The following C4orf50 variants were observed in gnomAD, a reference collection of about 807,000 sequenced individuals.
The protein encoded by C4orf50 is uncharacterized protein C4orf50.
In C4orf50, 80 loss-of-function variants were observed where a neutral mutation model predicts 77.2. That is an observed-to-expected ratio of 1.04 (90% CI 0.87 to 1.25). The LOEUF (loss-of-function observed/expected upper bound fraction) is 1.25, where lower values mean the gene tolerates loss of function less well. Ranked by LOEUF, C4orf50 falls within the 50% of genes most tolerant of loss-of-function variation. The probability of loss-of-function intolerance (pLI) is 0.00; values close to 1 mark genes in which losing one functional copy is unlikely to be tolerated. For missense variants in C4orf50, 1,257 were observed against 1,152.9 expected (o/e 1.09, Z -1.31); for synonymous variants, 532 against 465.3 (o/e 1.14, Z -1.84).
chr4:5,900,735 C>T lies in C4orf50; in HGVS notation c.*2475-2547G>A, dbSNP rs1195304573. 1 of 152,230 alleles carries T rather than the reference C, an allele frequency of 6.6e-6. No homozygotes were observed. Among genetic ancestry groups the T allele is most frequent in the Non-Finnish European group, 1.5e-5 (1 of 68,046 alleles). The allele number at this position is 152,230 out of a possible 1,614,324, so 9.4% of individuals were successfully genotyped here. A position where few individuals can be genotyped will look rare whatever the true frequency, so the allele number is the denominator to read the frequency against. ...CACTGGACCGCAGATGTCAGTTAAC[C>T]TCATCTGGGAATCAGTTTCCTCGCC... On this transcript the variant is annotated intron_variant, in intron 7 of 7. Transcript: ENST00000324058. This position sits in a 1 kb window ranked among gnomAD's most constrained non-coding sequence, Gnocchi z 4.3.
At chr4:5,920,827 G>T (rs529940063) in intron 7 of C4orf50, among the ~76,000 whole-genome samples, 1 of 152,188 alleles carries the variant, frequency 6.6e-6, no homozygotes, top group Admixed American at 6.5e-5. Context: ...TAGAGCAAAC[G>T]CAAACAACTC....
intron 25 of C4orf50, among the ~76,000 whole-genome samples, chr4:6,004,036 A>ATGATGGTGATGATGG (rs1722027813): frequency 1.8e-4 from 9 of 48,858 alleles, no homozygotes; most frequent in Admixed American, 4.0e-4. Flanking sequence ...TGTGATAGTG[A>ATGATGGTGATGATGG]TGATGGTGAT....
At chr4:5,942,872 G>A (rs577402734) in intron 7 of C4orf50, among the ~76,000 whole-genome samples, 10 of 152,250 alleles carry the variant, frequency 6.6e-5, no homozygotes, top group East Asian at 1.9e-4. Flanking sequence ...GCCTGGATGC[G>A]TAAGGATAAA....
At chr4:5,922,736 A>T (rs1414095450) in intron 7 of C4orf50, among the ~76,000 whole-genome samples, 1 of 152,166 alleles carries the variant, frequency 6.6e-6, no homozygotes, top group Admixed American at 6.5e-5. Context: ...CCCTCGTGGC[A>T]TGCTCATCAA....
At position 5,992,734 on chromosome 4, in the gene C4orf50, G is replaced by T. The variant is rs1721360640; in HGVS notation, c.1221+69C>A. On this transcript the variant is annotated intron_variant, in intron 27 of 33. Coordinates refer to ENST00000531445, the Ensembl canonical transcript of C4orf50. This position sits in a 1 kb window ranked among gnomAD's most constrained non-coding sequence, Gnocchi z 5.0. ...CCCACATCCTGCGTGTGGCCACATA[G>T]CCTGCATGAGGCAGGGCTGAGGGGA... The T allele has an allele frequency of 2.5e-6, 1 of 398,822 alleles. No homozygotes were observed. Among genetic ancestry groups the T allele is most frequent in the South Asian group, 1.3e-4 (1 of 7,780 alleles). 24.7% of individuals were successfully genotyped at this position (398,822 alleles called of 1,614,324 possible). A position where few individuals can be genotyped will look rare whatever the true frequency, so the allele number is the denominator to read the frequency against.
chr4:5,959,927 G>A (rs1410984671), intron 33 of C4orf50, among the ~76,000 whole-genome samples: 2 of 152,156 alleles, frequency 1.3e-5, no homozygotes, highest in Non-Finnish European at 2.9e-5. Flanking sequence ...CGTTCCTGTA[G>A]AGTGGATATC....
At chr4:6,006,020 CT>C (rs1369297903) in intron 25 of C4orf50, among the ~76,000 whole-genome samples, 2 of 152,176 alleles carry the variant, frequency 1.3e-5, no homozygotes, top group Non-Finnish European at 2.9e-5. Context: ...TCTGTGCACA[CT>C]TGTTTTCCAA....
chr4:5,925,340 TC>T (rs1717470476), intron 7 of C4orf50, among the ~76,000 whole-genome samples: 1 of 152,118 alleles, frequency 6.6e-6, no homozygotes, highest in Non-Finnish European at 1.5e-5. Context: ...TCCCCAACTC[TC>T]TTCGCAAAGG....
At chr4:5,997,460 CAGAG>C (rs1721645994) in intron 25 of C4orf50, among the ~76,000 whole-genome samples, 1 of 152,274 alleles carries the variant, frequency 6.6e-6, no homozygotes, top group African/African-American at 2.4e-5. Flanking sequence ...AGGCAGTACT[CAGAG>C]AGGGTGAGTC....
In C4orf50 at chr4:5,958,529, C is replaced by G. The variant is rs796404638; in HGVS notation, c.*846G>C. The G allele has an allele frequency of 3.3e-5, 5 of 152,202 alleles. No homozygotes were observed. Among genetic ancestry groups the G allele is most frequent in the African/African-American group, 4.8e-5 (2 of 41,512 alleles). The allele number at this position is 152,202 out of a possible 1,614,324, so 9.4% of individuals were successfully genotyped here. A position where few individuals can be genotyped will look rare whatever the true frequency, so the allele number is the denominator to read the frequency against. ...TTGTCCCAAGCCAAGTAGAACGGAC[C>G]CTTACCTTCATCCCGTTGCTCAGGG... On this transcript the variant is annotated 3_prime_UTR_variant, in exon 34 of 34. Coordinates refer to ENST00000531445, the Ensembl canonical transcript of C4orf50. The surrounding 1 kb of genome is among the most constrained non-coding windows in gnomAD (Gnocchi z 5.4).
At chr4:6,003,726 GGTGATGGTGA>G (rs1721962637) in intron 25 of C4orf50, among the ~76,000 whole-genome samples, 1 of 145,378 alleles carries the variant, frequency 6.9e-6, no homozygotes, top group African/African-American at 2.6e-5. Context: ...TGGTGATGAT[GGTGATGGTGA>G]TGATAGTGGT....
Position 5,900,484 on chromosome 4 carries a change from C to T in C4orf50, c.*2475-2296G>A, listed in dbSNP as rs139170338. The T allele has an allele frequency of 3.3e-5, 5 of 152,118 alleles. No homozygotes were observed. The East Asian group carries it at 9.7e-4, about 30-fold the overall frequency. 9.4% of individuals were successfully genotyped at this position (152,118 alleles called of 1,614,324 possible). The stretch of plus-strand genomic sequence containing the variant: ...GATATCCTGGGATTCAGGGCTTCCC[C>T]AGGGCGAAATGCAGGCATGAATTCC... On this transcript the variant is annotated intron_variant, in intron 7 of 7. Transcript: ENST00000324058. This position sits in a 1 kb window ranked among gnomAD's most constrained non-coding sequence, Gnocchi z 4.3.
intron 26 of C4orf50, among the ~76,000 whole-genome samples, chr4:5,993,423 T>C (rs1294356020): frequency 6.6e-6 from 1 of 152,224 alleles, no homozygotes; most frequent in African/African-American, 2.4e-5. Flanking sequence ...CCCTTGAGGT[T>C]GGAGGGCTGG....
intron 7 of C4orf50, among the ~76,000 whole-genome samples, chr4:5,935,536 C>A (rs983829728): frequency 3.3e-5 from 5 of 152,064 alleles, no homozygotes; most frequent in Non-Finnish European, 5.9e-5. Flanking sequence ...GACTGTGATC[C>A]CAGCACTTTG....
In C4orf50 at chr4:5,980,226, TG is replaced by T; in HGVS notation, c.3811del (p.His1271ThrfsTer33). On this transcript the variant is annotated frameshift_variant, in exon 29 of 34. Transcript: ENST00000531445. LOFTEE classifies it high-confidence loss of function. ...GGTGGCCTCGTCCAGAGACGCCTGGTGGGCAGCGCCCTGGTCCCTGAGCTGG... is the reference window on the plus strand; with the variant it reads ...GGTGGCCTCGTCCAGAGACGCCTGGTGGCAGCGCCCTGGTCCCTGAGCTGG... The T allele has an allele frequency of 1.2e-6, 2 of 1,610,668 alleles. No individual in the cohort carries two copies. The highest frequency in any genetic ancestry group is 1.7e-6 in the Non-Finnish European group (2 of 1,178,332).
Position 6,008,199 on chromosome 4 carries a change from G to C in C4orf50, c.760C>G (p.Arg254Gly), listed in dbSNP as rs1722329031. ...TGCAGGCTGCGCGCCGCCTCTTCCCGCTCGCGCTCGCTGCGCTCTGCCCTC... is the reference window on the plus strand; with the variant it reads ...TGCAGGCTGCGCGCCGCCTCTTCCCCCTCGCGCTCGCTGCGCTCTGCCCTC... The change falls in exon 25 of 34, where the codon CGG becomes GGG. Residue 254 changes from arginine (R) to glycine (G), a missense_variant. Coordinates refer to ENST00000531445, the Ensembl canonical transcript of C4orf50. This position sits in a 1 kb window ranked among gnomAD's most constrained non-coding sequence, Gnocchi z 6.0. 3 of 397,832 alleles carry C rather than the reference G, an allele frequency of 7.5e-6. No individual in the cohort carries two copies. In the East Asian group the frequency reaches 1.1e-4, roughly 14 times the overall value. 24.6% of individuals were successfully genotyped at this position (397,832 alleles called of 1,614,324 possible).
chr4:5,929,790 A>G (rs1717684245), intron 7 of C4orf50, among the ~76,000 whole-genome samples: 1 of 152,370 alleles, frequency 6.6e-6, no homozygotes, highest in African/African-American at 2.4e-5. Context: ...TCAGAAGTTC[A>G]AGTGCTTGGT....
rs990817583 is a variant in C4orf50 at position 6,011,308 on chromosome 4, CCT to C, written c.426+520_426+521del. 6.6e-6 allele frequency among the ~76,000 whole-genome samples: 1 copy of C among 152,116 alleles called. No homozygotes were observed. The highest frequency in any genetic ancestry group is 1.5e-5 in the Non-Finnish European group (1 of 68,014). On this transcript the variant is annotated intron_variant, in intron 24 of 33. Transcript: ENST00000531445. The surrounding 1 kb of genome is among the most constrained non-coding windows in gnomAD (Gnocchi z 4.2). ...CACTCCGTCCCCAGCACGGTGATAT[CCT>C]CTGTGTTCTCCCACACCTCTGTGCT... is the stretch of plus-strand genomic sequence containing the variant.
Position 5,946,618 on chromosome 4 carries a change from T to C in C4orf50, c.*2474+10283A>G, listed in dbSNP as rs541959961. 9.8e-5 allele frequency among the ~76,000 whole-genome samples: 15 copies of C among 152,330 alleles called. No homozygotes were observed. The South Asian group carries it at 3.1e-3, about 32-fold the overall frequency. ...TTGGGAATGTTATTACTTTCCTAAG[T>C]CCTTTCATAAGCAACTTCCTCTTTT... is the stretch of plus-strand genomic sequence containing the variant. On this transcript the variant is annotated intron_variant, in intron 7 of 7. Transcript: ENST00000324058.
Sources: allele counts gnomAD v4.1 joint callset (sites outside exome capture counted in the v4.1 genomes callset), GRCh38; gene constraint gnomAD v4.1.1; non-coding constraint Gnocchi (gnomAD v3.1); transcripts MANE v1.5; gene names NCBI Gene and HGNC (gene_info 2026-07-23, HGNC 2026-07-21).